CYFIP2: variants seen among roughly 807,000 people sequenced by gnomAD.
The protein encoded by CYFIP2 is cytoplasmic FMR1 interacting protein 2.
Under a neutral mutation model 158.7 loss-of-function variants are expected in CYFIP2, and 29 were observed. That is an observed-to-expected ratio of 0.18 (90% CI 0.14 to 0.25). CYFIP2 has a LOEUF of 0.25. Among genes scored for constraint, CYFIP2 ranks in the 10% least tolerant of loss-of-function variants. The pLI is 1.00. For missense variants in CYFIP2, 852 were observed against 1,639.5 expected (o/e 0.52, Z 8.29); for synonymous variants, 585 against 617.6 (o/e 0.95, Z 0.78).
intron 26 of CYFIP2, among the ~76,000 whole-genome samples, chr5:157,381,700 C>T (rs891748853): frequency 3.9e-5 from 6 of 152,164 alleles, no homozygotes; most frequent in African/African-American, 1.4e-4. Flanking sequence ...CCCTCTTGAA[C>T]AGCTGGCCTT....
chr5:157,383,061 A>G (rs1380511418), intron 27 of CYFIP2, among the ~76,000 whole-genome samples: 4 of 152,228 alleles, frequency 2.6e-5, no homozygotes, highest in African/African-American at 9.6e-5. Context: ...TCTAGAAGGC[A>G]GACGATTCCA....
At chr5:157,327,819 C>A in intron 18 of CYFIP2, 154 bp from the exon 19 acceptor site, 1 of 666,460 alleles carries the variant, frequency 1.5e-6, no homozygotes. Context: ...ACCAAATCTC[C>A]CAAACTTAGC....
chr5:157,381,967 G>A (rs1561786205), intron 26 of CYFIP2, among the ~76,000 whole-genome samples: 5 of 151,488 alleles, frequency 3.3e-5, no homozygotes. Flanking sequence ...GTAAGCCCAT[G>A]AGACCCTATC....
chr5:157,319,730 G>T (rs914583749), intron 13 of CYFIP2, 32 bp from the exon 14 acceptor site: 1 of 1,610,440 alleles, frequency 6.2e-7, no homozygotes, highest in Non-Finnish European at 8.5e-7. Context: ...GCTGGACATG[G>T]TGAACATGAC....
intron 8 of CYFIP2, among the ~76,000 whole-genome samples, chr5:157,305,162 C>T (rs917919511): frequency 2.0e-5 from 3 of 152,086 alleles, no homozygotes; most frequent in African/African-American, 7.2e-5. Context: ...GGTTGACGGG[C>T]ATTTAGGTTG....
rs539386805 is a variant in CYFIP2 at position 157,338,353 on chromosome 5, G to T, written c.2386-704G>T. 7.9e-5 allele frequency among the ~76,000 whole-genome samples: 12 copies of T among 152,288 alleles called. No individual in the cohort carries two copies. The East Asian group carries it at 2.3e-3, about 29-fold the overall frequency. On this transcript the variant is annotated intron_variant, in intron 21 of 30. Transcript: ENST00000620254. ...CCAACCCCATGTGATACCTCAAGGGGCCTACACTCCAAAGGATGAGGCATT... is the reference window on the plus strand; with the variant it reads ...CCAACCCCATGTGATACCTCAAGGGTCCTACACTCCAAAGGATGAGGCATT...
chr5:157,320,050 C>G (rs1216061713), intron 14 of CYFIP2, 122 bp downstream of exon 14: 3 of 1,217,718 alleles, frequency 2.5e-6, no homozygotes, highest in Non-Finnish European at 3.4e-6. Flanking sequence ...CCAGAGGGCT[C>G]TTTAGGAGAT....
At chr5:157,353,670 C>T (rs373722770) in intron 23 of CYFIP2, among the ~76,000 whole-genome samples, 4 of 152,300 alleles carry the variant, frequency 2.6e-5, no homozygotes, top group East Asian at 1.9e-4. Flanking sequence ...TTTTTGCCGT[C>T]GCCTTTATTT....
chr5:157,333,557 T>TGCCC, intron 21 of CYFIP2, 111 bp downstream of exon 21: 1 of 1,430,320 alleles, frequency 7.0e-7, no homozygotes, highest in African/African-American at 1.4e-5. Context: ...GGGCAGTGAG[T>TGCCC]CTCTTTCCCA....
intron 26 of CYFIP2, among the ~76,000 whole-genome samples, chr5:157,369,432 G>A (rs796895131): frequency 2.6e-5 from 4 of 152,134 alleles, no homozygotes; most frequent in East Asian, 1.9e-4. Flanking sequence ...GGTCATTAGC[G>A]TATCCTCAAC....
At chr5:157,296,821 C>T in intron 5 of CYFIP2, 47 bp downstream of exon 5, 1 of 1,477,002 alleles carries the variant, frequency 6.8e-7, no homozygotes, top group Non-Finnish European at 9.4e-7. Context: ...GAAAAGGCCC[C>T]TAGTTTTCTA....
rs1420701830 is a variant in CYFIP2 at position 157,389,201 on chromosome 5, G to A, written c.3220G>A (p.Ala1074Thr). Residue 1074 changes from alanine (A) to threonine (T), a missense_variant, in exon 29 of 31, where the codon GCT becomes ACT. Transcript: ENST00000620254. ...RLGTPQQIAI[A>T]REGDLLTKER... ...CTTCTGTTTCCAGCAAATCGCCATT[G>A]CTCGCGAGGGTGACCTCCTGACCAA... The A allele has an allele frequency of 1.9e-6, 3 of 1,610,654 alleles. No individual in the cohort carries two copies. The highest frequency in any genetic ancestry group is 2.5e-6 in the Non-Finnish European group (3 of 1,177,814).
rs999160800 is a variant in CYFIP2 at position 157,266,197 on chromosome 5, T to A, written c.-24+2T>A. 6.6e-6 allele frequency: 1 copy of A among 150,670 alleles called. No individual in the cohort carries two copies. The highest frequency in any genetic ancestry group is 6.6e-5 in the Admixed American group (1 of 15,148). 9.3% of individuals were successfully genotyped at this position (150,670 alleles called of 1,614,324 possible). ...CCCCTGGACCCGCCGCAGAGCCAGG[T>A]AAGCGGCCCTCGCAGGCCTCGGGCC... On this transcript the variant is annotated splice_donor_variant, in intron 1 of 30. Coordinates refer to ENST00000620254, the MANE Select transcript of CYFIP2 (RefSeq NM_001037333.3). LOFTEE classifies it low-confidence loss of function (5UTR_SPLICE). This position sits in a 1 kb window ranked among gnomAD's most constrained non-coding sequence, Gnocchi z 4.2.
At chr5:157,308,821 T>A (rs1759458925) in intron 9 of CYFIP2, among the ~76,000 whole-genome samples, 1 of 152,192 alleles carries the variant, frequency 6.6e-6, no homozygotes, top group Non-Finnish European at 1.5e-5. Flanking sequence ...TAAGTCAGCA[T>A]GAATGAGATG....
intron 21 of CYFIP2, among the ~76,000 whole-genome samples, chr5:157,334,912 C>T (rs992481017): frequency 4.6e-5 from 7 of 152,180 alleles, no homozygotes; most frequent in African/African-American, 1.7e-4. Flanking sequence ...AAGTTAATTT[C>T]CTTCATTTGA....
At chr5:157,348,722 A>G (rs995839457) in intron 23 of CYFIP2, among the ~76,000 whole-genome samples, 1 of 152,032 alleles carries the variant, frequency 6.6e-6, no homozygotes, top group African/African-American at 2.4e-5. Flanking sequence ...TCACCTGGCT[A>G]ATTTTTGTAT....
chr5:157,343,440 T>C (rs760486706), intron 23 of CYFIP2: 1 of 1,614,132 alleles, frequency 6.2e-7, no homozygotes, highest in Non-Finnish European at 8.5e-7. Context: ...CAGTTGGGCC[T>C]GTACATAATA....
Position 157,359,053 on chromosome 5 carries a change from G to C in CYFIP2, c.2722G>C (p.Val908Leu), listed in dbSNP as rs753859417. 1.2e-6 allele frequency: 2 copies of C among 1,613,798 alleles called. No individual in the cohort carries two copies. Among genetic ancestry groups the C allele is most frequent in the Admixed American group, 1.7e-5 (1 of 60,002 alleles). ...CATCTACAGCTCCTACAGGAATTTC[G>C]TGGGGCCACCTCATTTCAAGACTAT... ...SHIYSSYRNF[V>L]GPPHFKTICR... The change falls in exon 24 of 31, where the codon GTG (valine) becomes CTG (leucine). Residue 908 changes from valine (V) to leucine (L), a missense_variant. Transcript: ENST00000620254.
At chr5:157,326,026 G>A (rs541474048) in intron 17 of CYFIP2, 145 bp from the exon 18 acceptor site, 38 of 662,924 alleles carry the variant, frequency 5.7e-5, no homozygotes, top group African/African-American at 3.4e-4. Flanking sequence ...GCTTCTAAGC[G>A]GTGGAGGCTC....
Sources: allele counts gnomAD v4.1 joint callset (sites outside exome capture counted in the v4.1 genomes callset), GRCh38; gene constraint gnomAD v4.1.1; non-coding constraint Gnocchi (gnomAD v3.1); transcripts MANE v1.5; gene names NCBI Gene and HGNC (gene_info 2026-07-23, HGNC 2026-07-21).